Variants in TPRG1 observed in about 807,000 individuals in gnomAD.
TPRG1 encodes tumor protein p63-regulated gene 1 protein.
A neutral mutation model predicts 29.3 loss-of-function variants in TPRG1; 29 were observed. The ratio of observed to expected loss-of-function variants is 0.99; its 90% CI spans 0.74 to 1.35. The LOEUF (loss-of-function observed/expected upper bound fraction) is 1.35. Among genes scored for constraint, TPRG1 ranks in the 40% most tolerant of loss-of-function variants. TPRG1 has a pLI of 0.00. For missense variants in TPRG1, 327 were observed against 335.0 expected (o/e 0.98, Z 0.19); for synonymous variants, 130 against 116.8 (o/e 1.11, Z -0.73).
intron 3 of TPRG1, among the ~76,000 whole-genome samples, chr3:189,233,345 G>A (rs1460127726): frequency 6.6e-6 from 1 of 152,114 alleles, no homozygotes; most frequent in East Asian, 1.9e-4. Flanking sequence ...CACTGGGAGG[G>A]CATCTGTGAT....
At chr3:189,232,807 T>G (rs1007416839) in intron 3 of TPRG1, among the ~76,000 whole-genome samples, 2 of 152,154 alleles carry the variant, frequency 1.3e-5, no homozygotes, top group African/African-American at 4.8e-5. Flanking sequence ...AGGAACCAAA[T>G]GACTGAAAGA....
chr3:189,121,314 C>T (rs1721802138), intron 1 of TPRG1: 1 of 152,172 alleles, frequency 6.6e-6, no homozygotes, highest in South Asian at 2.1e-4. Flanking sequence ...TATTTCTCAG[C>T]CTCCTTGAGG....
chr3:189,310,571 T>A, intron 5 of TPRG1, 32 bp downstream of exon 5: 1 of 1,573,384 alleles, frequency 6.4e-7, no homozygotes, highest in Non-Finnish European at 8.7e-7. Flanking sequence ...ACTCTCAGAT[T>A]AGCTTTGTTG....
chr3:189,263,584 C>T (rs1163583461), intron 4 of TPRG1, among the ~76,000 whole-genome samples: 5 of 152,214 alleles, frequency 3.3e-5, no homozygotes, highest in African/African-American at 1.2e-4. Context: ...AAAGCACTTA[C>T]TATAAACTGT....
intron 1 of TPRG1, 194 bp from the exon 2 acceptor site, chr3:189,207,182 C>A: frequency 1.0e-6 from 1 of 984,710 alleles, no homozygotes; most frequent in Non-Finnish European, 1.2e-6. Flanking sequence ...GGTAAATGAC[C>A]TTGCAGGATT....
chr3:189,239,991 C>T (rs950491228), intron 4 of TPRG1, among the ~76,000 whole-genome samples: 15 of 152,094 alleles, frequency 9.9e-5, no homozygotes, highest in Non-Finnish European at 1.8e-4. Context: ...CCCATTGAAC[C>T]GTGAATTCCT....
In TPRG1 at chr3:189,173,761, G is replaced by A. The variant is rs567618954; in HGVS notation, c.-10+1630G>A. 6.6e-5 allele frequency among the ~76,000 whole-genome samples: 10 copies of A among 152,110 alleles called. No homozygotes were observed. In the South Asian group the frequency reaches 1.9e-3, roughly 28 times the overall value. ...CACAATATGTAGTGAATGGTGCTAG[G>A]AGTCCCAAGCAGAAGCATTAGCCAT... On this transcript the variant is annotated intron_variant, in intron 1 of 5. Coordinates refer to ENST00000345063, the MANE Select transcript of TPRG1 (RefSeq NM_198485.4).
chr3:189,128,729 T>A (rs965455677), intron 2 of TPRG1, among the ~76,000 whole-genome samples: 4 of 152,186 alleles, frequency 2.6e-5, no homozygotes, highest in African/African-American at 9.7e-5. Context: ...GACATGCCAC[T>A]GGTAGGTGTC....
chr3:189,217,561 C>T (rs1198804747), intron 3 of TPRG1, among the ~76,000 whole-genome samples: 1 of 152,096 alleles, frequency 6.6e-6, no homozygotes, highest in African/African-American at 2.4e-5. Flanking sequence ...CTCCTCTTCC[C>T]CATTAAAACC....
chr3:189,237,078 T>C (rs1417084111), intron 3 of TPRG1, among the ~76,000 whole-genome samples: 1 of 152,168 alleles, frequency 6.6e-6, no homozygotes, highest in Non-Finnish European at 1.5e-5. Context: ...AGGTTAAAAG[T>C]CCAATATTAC....
intron 1 of TPRG1, among the ~76,000 whole-genome samples, chr3:189,202,964 C>T (rs9864510): frequency 0.64 from 96,884 of 152,092 alleles, 32,283 homozygotes; most frequent in African/African-American, 0.85. Context: ...GAAAGAACAG[C>T]GAACTGGAGT....
chr3:189,160,582 C>T (rs1001770710), intron 5 of TPRG1, among the ~76,000 whole-genome samples: 8 of 152,136 alleles, frequency 5.3e-5, no homozygotes, highest in African/African-American at 7.2e-5. Flanking sequence ...AGAGGGATAG[C>T]GTTTCTCTCT....
At chr3:189,218,156 A>G (rs1481479223) in intron 3 of TPRG1, among the ~76,000 whole-genome samples, 1 of 152,022 alleles carries the variant, frequency 6.6e-6, no homozygotes, top group Non-Finnish European at 1.5e-5. Context: ...TCTGTCACCC[A>G]GGCTGGAGTG....
At chr3:189,054,892 A>C (rs537518658) in intron 4 of TPRG1, among the ~76,000 whole-genome samples, 1 of 152,358 alleles carries the variant, frequency 6.6e-6, no homozygotes, top group South Asian at 2.1e-4. Context: ...CAGAGAAACG[A>C]AGTAAGCATG....
chr3:189,268,220 C>T (rs920283725), intron 4 of TPRG1, among the ~76,000 whole-genome samples: 1 of 152,192 alleles, frequency 6.6e-6, no homozygotes, highest in African/African-American at 2.4e-5. Flanking sequence ...CTTTGGGTAT[C>T]TGTGCCAAGA....
At chr3:189,152,275 T>G (rs1229320015) in intron 5 of TPRG1, among the ~76,000 whole-genome samples, 3 of 152,240 alleles carry the variant, frequency 2.0e-5, no homozygotes, top group Non-Finnish European at 2.9e-5. Context: ...GGAGTTTTCC[T>G]TCAAGTCACA....
At chr3:189,105,329 T>C (rs1311518232) in intron 1 of TPRG1, among the ~76,000 whole-genome samples, 1 of 152,156 alleles carries the variant, frequency 6.6e-6, no homozygotes, top group Non-Finnish European at 1.5e-5. Context: ...CTTCTCTATA[T>C]GGCCCTCAGA....
At chr3:189,247,675 A>G (rs1479683733) in intron 4 of TPRG1, among the ~76,000 whole-genome samples, 4 of 151,716 alleles carry the variant, frequency 2.6e-5, no homozygotes, top group Non-Finnish European at 5.9e-5. Flanking sequence ...TCAAGTTATT[A>G]TTTTCAGGAA....
intron 3 of TPRG1, among the ~76,000 whole-genome samples, chr3:189,216,125 AT>A (rs746182898): frequency 2.7e-4 from 41 of 151,722 alleles, no homozygotes; most frequent in African/African-American, 8.7e-4. Context: ...AGAAAAGGCA[AT>A]TTTTTTTTAC....
Sources: allele counts gnomAD v4.1 joint callset (sites outside exome capture counted in the v4.1 genomes callset), GRCh38; gene constraint gnomAD v4.1.1; transcripts MANE v1.5; gene names NCBI Gene and HGNC (gene_info 2026-07-23, HGNC 2026-07-21).